Variants in SGCZ observed in about 807,000 individuals in gnomAD.
SGCZ encodes sarcoglycan zeta.
A neutral mutation model predicts 41.3 loss-of-function variants in SGCZ; 40 were observed. The observed-to-expected ratio is 0.97, with a 90% CI of 0.75 to 1.26. SGCZ has a LOEUF of 1.26. SGCZ is among the 50% of genes most tolerant of loss of function. The pLI is 0.00. For missense variants in SGCZ, 552 were observed against 369.8 expected (o/e 1.49, Z -4.04); for synonymous variants, 206 against 137.5 (o/e 1.50, Z -3.49).
chr8:14,950,629 T>C (rs1800600569), intron 1 of SGCZ, among the ~76,000 whole-genome samples: 1 of 151,910 alleles, frequency 6.6e-6, no homozygotes, highest in Non-Finnish European at 1.5e-5. Context: ...GTTAGGATGT[T>C]GGCAAAAAAA....
At chr8:14,158,723 A>C (rs1803952780) in intron 5 of SGCZ, among the ~76,000 whole-genome samples, 1 of 152,158 alleles carries the variant, frequency 6.6e-6, no homozygotes, top group Admixed American at 6.5e-5. Context: ...GAGACAAAGT[A>C]ACTACGACCA....
intron 2 of SGCZ, among the ~76,000 whole-genome samples, chr8:14,474,907 T>C (rs1801315172): frequency 6.6e-6 from 1 of 152,188 alleles, no homozygotes; most frequent in Non-Finnish European, 1.5e-5. Context: ...AGGTCAAATC[T>C]GCTGTAATTA....
chr8:14,937,248 T>C (rs753064139), intron 1 of SGCZ, among the ~76,000 whole-genome samples: 2 of 148,282 alleles, frequency 1.3e-5, no homozygotes, highest in Non-Finnish European at 3.0e-5. Context: ...TAGTTATATG[T>C]TATTTTAAAA....
intron 3 of SGCZ, among the ~76,000 whole-genome samples, chr8:14,242,568 A>T (rs771601057): frequency 2.0e-5 from 3 of 152,194 alleles, no homozygotes; most frequent in Non-Finnish European, 4.4e-5. Flanking sequence ...ATGAGACAAC[A>T]TATGCAAAAT....
At chr8:14,905,255 A>C (rs1799088578) in intron 1 of SGCZ, among the ~76,000 whole-genome samples, 1 of 152,088 alleles carries the variant, frequency 6.6e-6, no homozygotes, top group Admixed American at 6.6e-5. Flanking sequence ...CTCAATAGGA[A>C]AAAATAGACA....
At chr8:14,373,846 T>C (rs746339796) in intron 2 of SGCZ, among the ~76,000 whole-genome samples, 1 of 152,114 alleles carries the variant, frequency 6.6e-6, no homozygotes, top group African/African-American at 2.4e-5. Flanking sequence ...AGAAAGCTGA[T>C]TCTAGATCTC....
chr8:14,414,642 A>T (rs1799447879), intron 2 of SGCZ, among the ~76,000 whole-genome samples: 1 of 152,020 alleles, frequency 6.6e-6, no homozygotes, highest in Non-Finnish European at 1.5e-5. Context: ...CCAATGCTAT[A>T]GCCACAAGCA....
At chr8:14,253,245 T>C (rs1184696211) in intron 3 of SGCZ, among the ~76,000 whole-genome samples, 1 of 62,282 alleles carries the variant, frequency 1.6e-5, no homozygotes, top group African/African-American at 4.6e-5. Flanking sequence ...GTGTGTAGGG[T>C]GTGTGTGTGT....
intron 1 of SGCZ, among the ~76,000 whole-genome samples, chr8:14,901,555 C>G (rs756335132): frequency 3.9e-5 from 6 of 152,058 alleles, no homozygotes; most frequent in Non-Finnish European, 8.8e-5. Flanking sequence ...GATGCTGTAT[C>G]TGTAAAATGT....
chr8:14,565,285 A>T (rs1804324913), intron 1 of SGCZ, among the ~76,000 whole-genome samples: 1 of 152,060 alleles, frequency 6.6e-6, no homozygotes, highest in Non-Finnish European at 1.5e-5. Flanking sequence ...ATAGTTATCC[A>T]GTATTTCATT....
chr8:14,696,975 T>C (rs55959772), intron 1 of SGCZ, among the ~76,000 whole-genome samples: 7,157 of 151,732 alleles, frequency 0.047, 254 homozygotes, highest in Non-Finnish European at 0.073. Flanking sequence ...AAAAAAAACA[T>C]AGATATTAGT....
intron 1 of SGCZ, among the ~76,000 whole-genome samples, chr8:14,757,450 G>C (rs1163434093): frequency 6.6e-6 from 1 of 152,176 alleles, no homozygotes; most frequent in Non-Finnish European, 1.5e-5. Flanking sequence ...AGTACTGATA[G>C]AACCACTACC....
chr8:15,007,299 C>T (rs1179762535), intron 1 of SGCZ, among the ~76,000 whole-genome samples: 1 of 152,152 alleles, frequency 6.6e-6, no homozygotes, highest in Non-Finnish European at 1.5e-5. Flanking sequence ...AAAAAGATTG[C>T]ACAAAATACC....
chr8:14,225,609 AT>A (rs1806346494), intron 4 of SGCZ, among the ~76,000 whole-genome samples: 2 of 152,088 alleles, frequency 1.3e-5, no homozygotes, highest in African/African-American at 4.8e-5. Flanking sequence ...AGAGGGATAG[AT>A]TTGGGTGTTA....
At chr8:14,950,853 G>T (rs1305995408) in intron 1 of SGCZ, among the ~76,000 whole-genome samples, 1 of 151,870 alleles carries the variant, frequency 6.6e-6, no homozygotes, top group Non-Finnish European at 1.5e-5. Context: ...AAATGTAAAA[G>T]GTAGGTTAAA....
At chr8:14,468,371 T>C (rs1246569433) in intron 2 of SGCZ, among the ~76,000 whole-genome samples, 4 of 152,102 alleles carry the variant, frequency 2.6e-5, no homozygotes, top group African/African-American at 9.6e-5. Context: ...ATGATATGGC[T>C]AATATCAATT....
rs148995684 is a variant in SGCZ, at chr8:14,392,797, A to G, written c.235-68593T>C. On this transcript the variant is annotated intron_variant, in intron 2 of 7. Transcript: ENST00000382080. ...TTCTTTGGCTAATACATGCATATTT[A>G]AGACTTTTAACTTGAAAATATCAAA... 9.9e-3 allele frequency among the ~76,000 whole-genome samples: 1,489 copies of G among 149,998 alleles called. 15 individuals carry two copies. Among genetic ancestry groups the G allele is most frequent in the African/African-American group, 0.023 (913 of 40,242 alleles).
At chr8:14,101,183 A>C (rs774230298) in intron 7 of SGCZ, among the ~76,000 whole-genome samples, 4 of 152,136 alleles carry the variant, frequency 2.6e-5, no homozygotes, top group African/African-American at 9.6e-5. Context: ...TAAAAGCTCA[A>C]TGTATGGATA....
At chr8:14,911,757 T>C (rs1799286568) in intron 1 of SGCZ, among the ~76,000 whole-genome samples, 1 of 152,040 alleles carries the variant, frequency 6.6e-6, no homozygotes, top group Non-Finnish European at 1.5e-5. Context: ...ATGATTACCA[T>C]TTTTACCTCT....
Sources: gnomAD v4.1 joint callset for allele counts (sites outside exome capture counted in the v4.1 genomes callset) on GRCh38, gnomAD v4.1.1 for gene constraint, MANE v1.5 for transcripts, NCBI Gene and HGNC (gene_info 2026-07-23, HGNC 2026-07-21) for gene names.